CACNA1A: variants seen among roughly 807,000 people sequenced by gnomAD.
The protein encoded by CACNA1A is calcium voltage-gated channel subunit alpha1 A, also known as voltage-dependent P/Q-type calcium channel subunit alpha-1A.
CACNA1A carries 57 observed loss-of-function variants against 262.4 expected under a neutral mutation model. That is an observed-to-expected ratio of 0.22 (90% CI 0.18 to 0.27). The LOEUF (loss-of-function observed/expected upper bound fraction) is 0.27. Ranked by LOEUF, CACNA1A falls within the 10% of genes least tolerant of loss-of-function variation. CACNA1A has a pLI of 1.00. For synonymous variants in CACNA1A, 1,431 were observed against 1,419.3 expected (o/e 1.01, Z -0.18); for missense variants, 2,526 against 3,562.8 (o/e 0.71, Z 7.41).
intron 10 of CACNA1A, among the ~76,000 whole-genome samples, chr19:13,329,921 T>C (rs977450849): frequency 6.6e-6 from 1 of 151,996 alleles, no homozygotes; most frequent in Non-Finnish European, 1.5e-5. Context: ...AAGCACCTAA[T>C]ATAAGCAGGT....
At chr19:13,306,757 AG>A (rs2057912220) in intron 15 of CACNA1A, 1 of 152,436 alleles carries the variant, frequency 6.6e-6, no homozygotes, top group African/African-American at 2.4e-5. Flanking sequence ...CTAGACAAGT[AG>A]GAACAGCTCC....
In CACNA1A at chr19:13,209,515, G is replaced by T; in HGVS notation, c.6340-17C>A. ...TGAGATGGTCTGGGGGAGGGGACAG[G>T]CCGGTGGGCTGGGGTCAGCAGCTAG... is the stretch of plus-strand genomic sequence containing the variant. On this transcript the variant is annotated splice_polypyrimidine_tract_variant and intron_variant, in intron 44 of 46. Transcript: ENST00000360228. The T allele has an allele frequency of 7.7e-7, 1 of 1,292,878 alleles. No homozygotes were observed. The highest frequency in any genetic ancestry group is 9.9e-7 in the Non-Finnish European group (1 of 1,012,426). 80.1% of individuals were successfully genotyped at this position (1,292,878 alleles called of 1,614,324 possible).
At chr19:13,250,302 T>G (rs1266817667) in intron 30 of CACNA1A, among the ~76,000 whole-genome samples, 1 of 152,028 alleles carries the variant, frequency 6.6e-6, no homozygotes, top group Non-Finnish European at 1.5e-5. Flanking sequence ...TCAAGGGATC[T>G]GCCCTCCTCA....
intron 5 of CACNA1A, among the ~76,000 whole-genome samples, chr19:13,360,781 A>G (rs1351357049): frequency 6.6e-6 from 1 of 152,190 alleles, no homozygotes; most frequent in Non-Finnish European, 1.5e-5. Context: ...CCAGCCTAGA[A>G]TATTTTTAAA....
chr19:13,378,026 A>G (rs1228950216), intron 3 of CACNA1A, among the ~76,000 whole-genome samples: 2 of 152,216 alleles, frequency 1.3e-5, no homozygotes, highest in African/African-American at 4.8e-5. Context: ...GATTCGTGGG[A>G]ACAGGTCAAA....
intron 3 of CACNA1A, among the ~76,000 whole-genome samples, chr19:13,413,927 G>GAAAGAAAGAAAGAAAGAAAGAAAGA (rs1568621998): frequency 8.4e-6 from 1 of 118,848 alleles, no homozygotes; most frequent in African/African-American, 2.9e-5. Context: ...AAGAAAGAAA[G>GAAAGAAAGAAAGAAAGAAAGAAAGA]AAAGAAAGAA....
intron 3 of CACNA1A, among the ~76,000 whole-genome samples, chr19:13,400,483 G>C (rs2059881470): frequency 2.6e-5 from 4 of 152,140 alleles, no homozygotes; most frequent in Admixed American, 2.6e-4. Context: ...ATGTCTGGGG[G>C]TGTGATTTCA....
intron 22 of CACNA1A, among the ~76,000 whole-genome samples, chr19:13,281,755 G>A (rs367669998): frequency 2.0e-5 from 3 of 152,366 alleles, no homozygotes; most frequent in East Asian, 3.9e-4. Flanking sequence ...GTTACGTGGT[G>A]TGAACGTTAT....
At chr19:13,357,128 T>C (rs896748670) in intron 6 of CACNA1A, among the ~76,000 whole-genome samples, 1 of 152,228 alleles carries the variant, frequency 6.6e-6, no homozygotes, top group African/African-American at 2.4e-5. Context: ...AAACGGGCCT[T>C]TGTTGATCAG....
intron 1 of CACNA1A, among the ~76,000 whole-genome samples, chr19:13,462,048 T>C (rs1452381888): frequency 6.6e-6 from 1 of 152,204 alleles, no homozygotes; most frequent in Admixed American, 6.5e-5. Flanking sequence ...GGCTTGCATC[T>C]GAGAACAGGA....
chr19:13,335,714 G>A lies in CACNA1A; in HGVS notation c.1082+92C>T, dbSNP rs2058553441. 3.6e-6 allele frequency: 3 copies of A among 843,466 alleles called. No homozygotes were observed. In the East Asian group the frequency reaches 8.0e-5, roughly 22 times the overall value. 52.2% of individuals were successfully genotyped at this position (843,466 alleles called of 1,614,324 possible). The stretch of plus-strand genomic sequence containing the variant: ...AGGGAAGAAGCCTTTTCTCTGTCTA[G>A]TGAATGAAAACAAAGCTTCAATGGC... On this transcript the variant is annotated intron_variant, in intron 7 of 46. Coordinates refer to ENST00000360228, the MANE Select transcript of CACNA1A (RefSeq NM_001127222.2).
At chr19:13,350,409 AG>A (rs1269161611) in intron 6 of CACNA1A, among the ~76,000 whole-genome samples, 1 of 152,188 alleles carries the variant, frequency 6.6e-6, no homozygotes, top group Non-Finnish European at 1.5e-5. Flanking sequence ...GGAAACACTT[AG>A]GGGTCTGTGG....
intron 3 of CACNA1A, among the ~76,000 whole-genome samples, chr19:13,398,947 T>C (rs2059853441): frequency 6.6e-6 from 1 of 152,196 alleles, no homozygotes; most frequent in African/African-American, 2.4e-5. Context: ...GAGCCTGGGA[T>C]TATAGCCAAA....
At chr19:13,457,691 A>G (rs1761476020) in intron 1 of CACNA1A, among the ~76,000 whole-genome samples, 1 of 152,102 alleles carries the variant, frequency 6.6e-6, no homozygotes, top group African/African-American at 2.4e-5. Flanking sequence ...TCTCTACTAA[A>G]AAAAGTACAA....
rs559600944 is a variant in CACNA1A, at chr19:13,421,416, T to C, written c.539+31460A>G. Among the ~76,000 whole-genome samples, 6 of 152,082 alleles carry C rather than the reference T, an allele frequency of 3.9e-5. No homozygotes were observed. The South Asian group carries it at 1.2e-3, about 32-fold the overall frequency. ...GGCCCTGCTCTCATGGAGCTTACAATCTAAGGGAAGGAAAGCAGATAATTT... is the reference window on the plus strand; with the variant it reads ...GGCCCTGCTCTCATGGAGCTTACAACCTAAGGGAAGGAAAGCAGATAATTT... On this transcript the variant is annotated intron_variant, in intron 3 of 46. Transcript: ENST00000360228.
chr19:13,487,731 C>T (rs2145111090), intron 1 of CACNA1A, among the ~76,000 whole-genome samples: 1 of 151,950 alleles, frequency 6.6e-6, no homozygotes, highest in South Asian at 2.1e-4. Context: ...AGGCTGCTGA[C>T]CTCATTTTTT....
intron 3 of CACNA1A, among the ~76,000 whole-genome samples, chr19:13,441,185 C>T (rs187387330): frequency 1.3e-5 from 2 of 152,152 alleles, no homozygotes; most frequent in East Asian, 3.9e-4. Context: ...AGTAACTTGC[C>T]CAAGGTCACA....
chr19:13,367,186 T>C (rs1034146913), intron 4 of CACNA1A, among the ~76,000 whole-genome samples: 1 of 150,708 alleles, frequency 6.6e-6, no homozygotes, highest in African/African-American at 2.5e-5. Flanking sequence ...TCCCAGCTAC[T>C]TGGGAGGCTG....
At chr19:13,396,987 T>C (rs550333480) in intron 3 of CACNA1A, among the ~76,000 whole-genome samples, 4 of 152,316 alleles carry the variant, frequency 2.6e-5, no homozygotes, top group Admixed American at 6.5e-5. Context: ...CGCGATGGCT[T>C]CTCTCTGAGG....
Sources: allele counts gnomAD v4.1 joint callset (sites outside exome capture counted in the v4.1 genomes callset), GRCh38; gene constraint gnomAD v4.1.1; transcripts MANE v1.5; gene names NCBI Gene and HGNC (gene_info 2026-07-23, HGNC 2026-07-21).